The following NCBP3 variants were observed in gnomAD, a reference collection of about 807,000 sequenced individuals.
The protein encoded by NCBP3 is nuclear cap-binding protein subunit 3.
NCBP3 carries 20 observed loss-of-function variants against 75.7 expected under a neutral mutation model. The ratio of observed to expected loss-of-function variants is 0.26; its 90% CI spans 0.19 to 0.38. The LOEUF (loss-of-function observed/expected upper bound fraction) is 0.38. Among genes scored for constraint, NCBP3 ranks in the 10% least tolerant of loss-of-function variants. The probability of loss-of-function intolerance (pLI) is 1.00; values close to 1 mark genes in which losing one functional copy is unlikely to be tolerated. For missense variants in NCBP3, 678 were observed against 796.9 expected (o/e 0.85, Z 1.80); for synonymous variants, 293 against 290.5 (o/e 1.01, Z -0.09).
At chr17:3,813,841 T>C (rs1026152704) in intron 12 of NCBP3, among the ~76,000 whole-genome samples, 2 of 152,122 alleles carry the variant, frequency 1.3e-5, no homozygotes, top group Admixed American at 6.5e-5. Context: ...TTTTTGTGTT[T>C]TTAGTAGAGA....
Position 3,816,235 on chromosome 17 carries a change from T to C in NCBP3, c.1346A>G (p.Asn449Ser), listed in dbSNP as rs745508666. ...TTTGTTACCAATTCGGTTTTTGATA[T>C]TGCTTGAAGATACACTATCTGCCCT... ...SMRADSVSSSNIKNRIGNKLP... is the reference protein window; with the variant it reads ...SMRADSVSSSSIKNRIGNKLP... The change falls in exon 11 of 13, where the codon AAT (asparagine) becomes AGT (serine). Residue 449 changes from asparagine to serine, a missense_variant. Transcript: ENST00000389005. 86 of 1,614,058 alleles carry C rather than the reference T, an allele frequency of 5.3e-5. No homozygotes were observed. The highest frequency in any genetic ancestry group is 6.9e-5 in the Non-Finnish European group (82 of 1,180,030).
At chr17:3,843,050 T>C (rs368338742) in intron 2 of NCBP3, 36 bp downstream of exon 2, 1 of 1,461,956 alleles carries the variant, frequency 6.8e-7, no homozygotes, top group Non-Finnish European at 9.4e-7. Flanking sequence ...TTCACTTGCT[T>C]ATCAAGCTGA....
rs569459755 is a variant in NCBP3 at position 3,838,350 on chromosome 17, C to T, written c.355+1750G>A. 1.1e-4 allele frequency among the ~76,000 whole-genome samples: 17 copies of T among 152,360 alleles called. No individual in the cohort carries two copies. In the South Asian group the frequency reaches 2.9e-3, roughly 26 times the overall value. Reference sequence around the variant, plus strand: ...GTCGACAGGTGTGATAAAGCTATGACGCCCTCGCGGTAGAGTTGTGAGAGA... The same window carrying T: ...GTCGACAGGTGTGATAAAGCTATGATGCCCTCGCGGTAGAGTTGTGAGAGA... On this transcript the variant is annotated intron_variant, in intron 3 of 12. Transcript: ENST00000389005.
intron 2 of NCBP3, among the ~76,000 whole-genome samples, chr17:3,842,293 C>T (rs1567596877): frequency 6.6e-6 from 1 of 152,040 alleles, no homozygotes. Context: ...GGCGTGGTGG[C>T]GGGCGCCTGT....
intron 2 of NCBP3, 24 bp downstream of exon 2, chr17:3,843,062 T>A (rs1422349125): frequency 1.3e-6 from 2 of 1,530,540 alleles, no homozygotes; most frequent in East Asian, 4.9e-5. Context: ...TCAAGCTGAA[T>A]AAATAAATCA....
chr17:3,830,023 C>T (rs1021457375), intron 3 of NCBP3, among the ~76,000 whole-genome samples: 1 of 152,178 alleles, frequency 6.6e-6, no homozygotes, highest in Non-Finnish European at 1.5e-5. Context: ...TTTCCTGCGT[C>T]TCTGGTCCTT....
In NCBP3 at chr17:3,842,121, A is replaced by G. The variant is rs184119457; in HGVS notation, c.249+965T>C. On this transcript the variant is annotated intron_variant, in intron 2 of 12. Transcript: ENST00000389005. ...AATAGCAATCATCAGATACAAGGCA[A>G]TAGTCTTATTAAGGGCCTATTATGC... Among the ~76,000 whole-genome samples, 353 of 152,224 alleles carry G rather than the reference A, an allele frequency of 2.3e-3. 1 individual carries two copies. Among genetic ancestry groups the G allele is most frequent in the African/African-American group, 7.9e-3 (330 of 41,544 alleles).
intron 3 of NCBP3, 80 bp downstream of exon 3, chr17:3,840,020 G>T: frequency 8.9e-7 from 1 of 1,122,740 alleles, no homozygotes; most frequent in Non-Finnish European, 1.3e-6. Flanking sequence ...CGCAAGGCAA[G>T]GCCAGAAGCA....
intron 3 of NCBP3, among the ~76,000 whole-genome samples, chr17:3,831,209 C>CT (rs370664146): frequency 0.044 from 6,700 of 151,972 alleles, 220 homozygotes; most frequent in Admixed American, 0.093. Flanking sequence ...CCACACCCGG[C>CT]TTTTTTTACT....
rs921244169 is a variant in NCBP3, at chr17:3,808,493, C to G, written c.*4551G>C. On this transcript the variant is annotated 3_prime_UTR_variant, in exon 13 of 13. Transcript: ENST00000389005. ...TGGGGACTGCCTCCTAGAAGGGCCC[C>G]TAAGACCTTAAGTTGGTGAGGGGAA... 1 of 152,184 alleles carries G rather than the reference C, an allele frequency of 6.6e-6. No individual in the cohort carries two copies. The highest frequency in any genetic ancestry group is 2.4e-5 in the African/African-American group (1 of 41,418). 9.4% of individuals were successfully genotyped at this position (152,184 alleles called of 1,614,324 possible).
At chr17:3,824,611 T>C (rs1392377035) in intron 7 of NCBP3, 2 of 189,750 alleles carry the variant, frequency 1.1e-5, no homozygotes, top group Non-Finnish European at 2.2e-5. Flanking sequence ...ACTGGCAATG[T>C]TCAGGAGGAC....
intron 4 of NCBP3, among the ~76,000 whole-genome samples, chr17:3,827,413 T>C (rs922019604): frequency 1.8e-4 from 28 of 152,194 alleles, no homozygotes; most frequent in Non-Finnish European, 1.0e-4. Flanking sequence ...ATCATTCCCA[T>C]TGGAAAACGT....
rs2053443514 is a variant in NCBP3, at chr17:3,812,790, C to T, written c.*254G>A. On this transcript the variant is annotated 3_prime_UTR_variant, in exon 13 of 13. Transcript: ENST00000389005. ...ACAAAATCTGGAGGGCTGCCTTTTT[C>T]TCAAAGGGTAAAGCCTGTGGGGTGG... 2 of 1,311,434 alleles carry T rather than the reference C, an allele frequency of 1.5e-6. No individual in the cohort carries two copies. Among genetic ancestry groups the T allele is most frequent in the African/African-American group, 3.0e-5 (2 of 67,462 alleles). 81.2% of individuals were successfully genotyped at this position (1,311,434 alleles called of 1,614,324 possible). A position where few individuals can be genotyped will look rare whatever the true frequency, so the allele number is the denominator to read the frequency against.
rs2053344816 is a variant in NCBP3 at position 3,807,103 on chromosome 17, T to C, written c.*5941A>G. ...GAGTGAGAAGTTTGAGGAATGCTGC[T>C]TTAGGCAAAAGAGCCACTGGAGGAA... On this transcript the variant is annotated 3_prime_UTR_variant, in exon 13 of 13. Transcript: ENST00000389005. 6.6e-6 allele frequency: 1 copy of C among 152,218 alleles called. No homozygotes were observed. Among genetic ancestry groups the C allele is most frequent in the South Asian group, 2.1e-4 (1 of 4,828 alleles). The allele number at this position is 152,218 out of a possible 1,614,324, so 9.4% of individuals were successfully genotyped here.
At chr17:3,841,208 C>G (rs1166939605) in intron 2 of NCBP3, among the ~76,000 whole-genome samples, 2 of 152,242 alleles carry the variant, frequency 1.3e-5, no homozygotes, top group East Asian at 3.9e-4. Context: ...ATCTCTTGAC[C>G]TCGTGATCTG....
rs952483638 is a variant in NCBP3 at position 3,803,939 on chromosome 17, T to C, written c.*9105A>G. Reference sequence around the variant, plus strand: ...AAATACAAAAAAAATTAGCCAGGCGTGGTGGCGGGTGCCTGTAGTCCCAGC... The same window carrying C: ...AAATACAAAAAAAATTAGCCAGGCGCGGTGGCGGGTGCCTGTAGTCCCAGC... On this transcript the variant is annotated 3_prime_UTR_variant, in exon 13 of 13. Transcript: ENST00000389005. 2 of 152,136 alleles carry C rather than the reference T, an allele frequency of 1.3e-5. No homozygotes were observed. The highest frequency in any genetic ancestry group is 1.9e-4 in the East Asian group (1 of 5,152). The allele number at this position is 152,136 out of a possible 1,614,324, so 9.4% of individuals were successfully genotyped here. A position where few individuals can be genotyped will look rare whatever the true frequency, so the allele number is the denominator to read the frequency against.
At chr17:3,844,242 C>T (rs2054118055) in intron 1 of NCBP3, among the ~76,000 whole-genome samples, 1 of 152,214 alleles carries the variant, frequency 6.6e-6, no homozygotes, top group Non-Finnish European at 1.5e-5. Flanking sequence ...GAAGCCTCAG[C>T]TCTGACAGTC....
intron 1 of NCBP3, 81 bp from the exon 2 acceptor site, chr17:3,843,232 GTTC>G (rs1252268741): frequency 9.4e-7 from 1 of 1,068,608 alleles, no homozygotes; most frequent in Admixed American, 2.6e-5. Context: ...ACATCTGCAG[GTTC>G]TTTTTTCCTT....
At chr17:3,829,440 TC>T in intron 3 of NCBP3, 72 bp from the exon 4 acceptor site, 1 of 1,483,528 alleles carries the variant, frequency 6.7e-7, no homozygotes, top group Non-Finnish European at 9.1e-7. Flanking sequence ...CCACACTCCT[TC>T]CTAATAGTTC....
Sources: allele counts gnomAD v4.1 joint callset (sites outside exome capture counted in the v4.1 genomes callset), GRCh38; gene constraint gnomAD v4.1.1; transcripts MANE v1.5; gene names NCBI Gene and HGNC (gene_info 2026-07-23, HGNC 2026-07-21).